MROH2A: variants seen among roughly 807,000 people sequenced by gnomAD.
MROH2A encodes maestro heat like repeat family member 2A, also known as maestro heat-like repeat-containing protein family member 2A.
A neutral mutation model predicts 200.4 loss-of-function variants in MROH2A; 174 were observed. That is an observed-to-expected ratio of 0.87 (90% CI 0.77 to 0.98). The LOEUF is 0.98. Among genes scored for constraint, MROH2A ranks in the 50% least tolerant of loss-of-function variants. The probability of loss-of-function intolerance (pLI) is 0.00; values close to 1 mark genes in which losing one functional copy is unlikely to be tolerated. For synonymous variants in MROH2A, 829 were observed against 840.4 expected (o/e 0.99, Z 0.23); for missense variants, 2,045 against 2,139.6 (o/e 0.96, Z 0.87).
intron 33 of MROH2A, 55 bp downstream of exon 33, chr2:233,822,611 G>T: frequency 6.6e-7 from 1 of 1,512,002 alleles, no homozygotes; most frequent in Non-Finnish European, 8.9e-7. Flanking sequence ...CTGTAGCCAC[G>T]GGCTGCCCCT....
rs1237589429 is a variant in MROH2A at position 233,828,384 on chromosome 2, G to A, written c.4114-246G>A. 2.6e-5 allele frequency among the ~76,000 whole-genome samples: 4 copies of A among 152,084 alleles called. No individual in the cohort carries two copies. The highest frequency in any genetic ancestry group is 3.2e-3 in the Middle Eastern group (1 of 316). On this transcript the variant is annotated intron_variant, in intron 35 of 41. Transcript: ENST00000389758. The surrounding 1 kb of genome is among the most constrained non-coding windows in gnomAD (Gnocchi z 4.6). ...TATGTTACCTGAAAAAATAAATGAC[G>A]AATTTATATATATACGTAACACTTA...
At chr2:233,831,594 G>A in intron 39 of MROH2A, 54 bp downstream of exon 39, 1 of 1,522,772 alleles carries the variant, frequency 6.6e-7, no homozygotes, top group Non-Finnish European at 8.8e-7. Flanking sequence ...ACGCTGGCTT[G>A]GAGCTGGGGG....
Position 233,789,973 on chromosome 2 carries a change from A to T in MROH2A, c.530A>T (p.Glu177Val). Residue 177 changes from glutamate (E) to valine (V), a missense_variant, in exon 5 of 42, where the codon GAA becomes GTA. By Grantham distance (121) the Glu-to-Val change is moderately radical. This residue lies in a region of MROH2A where 831 missense variants were observed against 800.0 expected (regional missense o/e 1.04). Coordinates refer to ENST00000389758, the MANE Select transcript of MROH2A (RefSeq NM_001394639.1). ...CTCAAGCCCCTCAACCTCACTGATGAATTTGTCATCATCACACTGGCCAAG... is the reference window on the plus strand; with the variant it reads ...CTCAAGCCCCTCAACCTCACTGATGTATTTGTCATCATCACACTGGCCAAG... ...HHLKPLNLTDEFVIITLAKLA... is the reference protein window; with the variant it reads ...HHLKPLNLTDVFVIITLAKLA... 2 of 1,550,382 alleles carry T rather than the reference A, an allele frequency of 1.3e-6. No individual in the cohort carries two copies. Among genetic ancestry groups the T allele is most frequent in the Non-Finnish European group, 1.7e-6 (2 of 1,146,880 alleles).
chr2:233,802,511 T>C, intron 15 of MROH2A, 196 bp downstream of exon 15: 1 of 623,072 alleles, frequency 1.6e-6, no homozygotes, highest in Non-Finnish European at 2.7e-6. Flanking sequence ...GTTAGAATTG[T>C]GTAAACTTCC....
Position 233,833,239 on chromosome 2 carries a change from TCAC to T in MROH2A, c.5007_5009del (p.Pro1670del), listed in dbSNP as rs1704909075. The T allele has an allele frequency of 6.5e-7, 1 of 1,549,818 alleles. No homozygotes were observed. The highest frequency in any genetic ancestry group is 8.7e-7 in the Non-Finnish European group (1 of 1,146,768). Reference sequence around the variant, plus strand: ...CTGTAGTCAGCATGGGTTTCTGGCTTCACCCCAAGGAATGTCCTAGGTGGTCCA... The same window carrying T: ...CTGTAGTCAGCATGGGTTTCTGGCTTCCCAAGGAATGTCCTAGGTGGTCCA... On this transcript the variant is annotated inframe_deletion, in exon 42 of 42. Coordinates refer to ENST00000389758, the MANE Select transcript of MROH2A (RefSeq NM_001394639.1).
intron 5 of MROH2A, among the ~76,000 whole-genome samples, chr2:233,791,855 G>C (rs1204060515): frequency 6.6e-6 from 1 of 152,104 alleles, no homozygotes. Context: ...AGTGGGAGGG[G>C]AGGAAGGGAA....
intron 3 of MROH2A, among the ~76,000 whole-genome samples, chr2:233,787,700 C>A (rs1471424792): frequency 1.3e-4 from 3 of 23,158 alleles, no homozygotes; most frequent in Non-Finnish European, 2.3e-4. Flanking sequence ...TTATATATAT[C>A]ATATAAACAT....
At chr2:233,785,300 T>G (rs1701149025) in intron 3 of MROH2A, among the ~76,000 whole-genome samples, 2 of 151,686 alleles carry the variant, frequency 1.3e-5, no homozygotes, top group South Asian at 4.2e-4. Flanking sequence ...AGACCACATC[T>G]CTAAAAAAAT....
In MROH2A at chr2:233,819,587, T is replaced by A. The variant is rs560563428; in HGVS notation, c.3357+118T>A. 1.1e-4 allele frequency: 122 copies of A among 1,121,036 alleles called. No homozygotes were observed. In the African/African-American group the frequency reaches 1.7e-3, roughly 16 times the overall value. The allele number at this position is 1,121,036 out of a possible 1,614,324, so 69.4% of individuals were successfully genotyped here. A position where few individuals can be genotyped will look rare whatever the true frequency, so the allele number is the denominator to read the frequency against. On this transcript the variant is annotated intron_variant, in intron 30 of 41. Coordinates refer to ENST00000389758, the MANE Select transcript of MROH2A (RefSeq NM_001394639.1). Reference sequence around the variant, plus strand: ...CGCTGAGAATGCCTCCCCCAACCCCTGGCTGCTAAAGAGGAGGAGGAAACA... The same window carrying A: ...CGCTGAGAATGCCTCCCCCAACCCCAGGCTGCTAAAGAGGAGGAGGAAACA...
Position 233,800,293 on chromosome 2 carries a change from C to G in MROH2A, c.1538C>G (p.Ser513Cys). The change falls in exon 14 of 42, where the codon TCT becomes TGT. Residue 513 changes from serine to cysteine, a missense_variant. Transcript: ENST00000389758. ...ATGGACACTGTGAAGATCATTACCT[C>G]TTCTGTCAGTGGGATGACCACCGTG... ...VTMDTVKIITSSVSGMTTEFW... is the reference protein window; with the variant it reads ...VTMDTVKIITCSVSGMTTEFW... 1 of 1,549,246 alleles carries G rather than the reference C, an allele frequency of 6.5e-7. No individual in the cohort carries two copies. The highest frequency in any genetic ancestry group is 8.7e-7 in the Non-Finnish European group (1 of 1,146,252).
At chr2:233,822,075 AG>A in intron 31 of MROH2A, 48 bp from the exon 32 acceptor site, 1 of 1,518,654 alleles carries the variant, frequency 6.6e-7, no homozygotes, top group Non-Finnish European at 8.9e-7. Context: ...CTTACCTGCC[AG>A]GGCACATGCC....
intron 22 of MROH2A, among the ~76,000 whole-genome samples, chr2:233,809,576 C>G (rs1575972848): frequency 1.3e-5 from 2 of 152,292 alleles, no homozygotes; most frequent in Middle Eastern, 3.4e-3. Flanking sequence ...CTGCCCTTGC[C>G]TCTGGCCCTC....
chr2:233,796,311 A>G lies in MROH2A; in HGVS notation c.1250A>G (p.Asp417Gly), dbSNP rs1474250619. ...CTGATTAGGGCTATAGTGAGCGCAG[A>G]TGGTGAGCAAGGCAGGGTGGGTGGG... is the stretch of plus-strand genomic sequence containing the variant. ...LNLIRAIVSA[D>G]EPRMSIRAIY... Residue 417 changes from aspartate (D) to glycine (G), a missense_variant and splice_region_variant, in exon 11 of 42, where the codon GAT becomes GGT. By Grantham distance (94) the Asp-to-Gly change is moderately conservative (BLOSUM62 -1). Around this residue, in one of 3 missense-constraint regions of MROH2A, gnomAD observed 831 missense variants for 800.0 expected, o/e 1.04. Transcript: ENST00000389758. The G allele has an allele frequency of 1.6e-6, 1 of 628,546 alleles. No homozygotes were observed. Among genetic ancestry groups the G allele is most frequent in the Admixed American group, 4.1e-5 (1 of 24,278 alleles). 38.9% of individuals were successfully genotyped at this position (628,546 alleles called of 1,614,324 possible).
At position 233,829,020 on chromosome 2, in the gene MROH2A, T is replaced by TG; in HGVS notation, c.4398dup (p.Ser1467ValfsTer8). On this transcript the variant is annotated frameshift_variant, in exon 37 of 42. Transcript: ENST00000389758. LOFTEE classifies it high-confidence loss of function. Reference sequence around the variant, plus strand: ...CTGGCTGAGCTCCGGGAAGGGGATGTGGGGTCCTCTTTCGACGCCATGTCT... The same window carrying TG: ...CTGGCTGAGCTCCGGGAAGGGGATGTGGGGGTCCTCTTTCGACGCCATGTCT... 6.5e-7 allele frequency: 1 copy of TG among 1,549,878 alleles called. No homozygotes were observed. Among genetic ancestry groups the TG allele is most frequent in the Non-Finnish European group, 8.7e-7 (1 of 1,146,666 alleles).
intron 17 of MROH2A, 146 bp from the exon 18 acceptor site, chr2:233,804,349 G>A (rs532766267): frequency 1.2e-5 from 16 of 1,318,774 alleles, no homozygotes; most frequent in African/African-American, 1.2e-4. Context: ...AGCTTGGGAA[G>A]GTGAGGAGTG....
At position 233,818,116 on chromosome 2, in the gene MROH2A, G is replaced by T; in HGVS notation, c.3076G>T (p.Asp1026Tyr). 1 of 1,550,678 alleles carries T rather than the reference G, an allele frequency of 6.4e-7. No individual in the cohort carries two copies. The highest frequency in any genetic ancestry group is 8.7e-7 in the Non-Finnish European group (1 of 1,147,016). The change falls in exon 28 of 42, where the codon GAT becomes TAT. Residue 1026 changes from aspartate (D) to tyrosine (Y), a missense_variant. Physicochemically the swap from Asp to Tyr is radical, Grantham distance 160. Around this residue, in one of 3 missense-constraint regions of MROH2A, gnomAD observed 1,201 missense variants for 1,311.3 expected, o/e 0.92. Transcript: ENST00000389758. ...ASMNVLSSLL[D>Y]LHASQTCSLW... is the part of the protein sequence containing the mutation. ...AATGAATGTCCTGTCCAGCCTGCTAGATCTTCACGGTATGAGAGGGCAGGA... is the reference window on the plus strand; with the variant it reads ...AATGAATGTCCTGTCCAGCCTGCTATATCTTCACGGTATGAGAGGGCAGGA...
At position 233,828,981 on chromosome 2, in the gene MROH2A, C is replaced by T. The variant is rs901409298; in HGVS notation, c.4355C>T (p.Ala1452Val). ...SNSVTAEGMEALTKILAELRE... is the reference protein window; with the variant it reads ...SNSVTAEGMEVLTKILAELRE... ...AGCGTGACTGCCGAGGGCATGGAGG[C>T]CCTGACCAAGATCCTGGCTGAGCTC... The change falls in exon 37 of 42, where the codon GCC becomes GTC. Residue 1452 changes from alanine (A) to valine (V), a missense_variant. Physicochemically the swap from Ala to Val is moderately conservative, Grantham distance 64. Transcript: ENST00000389758. The surrounding 1 kb of genome is among the most constrained non-coding windows in gnomAD (Gnocchi z 4.6). 5.8e-6 allele frequency: 9 copies of T among 1,550,382 alleles called. No individual in the cohort carries two copies. The Admixed American group carries it at 7.8e-5, about 14-fold the overall frequency.
intron 3 of MROH2A, among the ~76,000 whole-genome samples, chr2:233,786,734 C>T (rs968436865): frequency 2.6e-5 from 4 of 152,128 alleles, no homozygotes; most frequent in Non-Finnish European, 5.9e-5. Flanking sequence ...AATAAGAAAC[C>T]ATGATTAACA....
In MROH2A at chr2:233,818,669, T is replaced by C. The variant is rs1703721727; in HGVS notation, c.3103T>C (p.Leu1035=). The part of the protein sequence containing the change: ...LDLHASQTCS[L]WGPSKQKELE... The stretch of plus-strand genomic sequence containing the variant: ...CCCGACAGCAAGCCAGACCTGCTCC[T>C]TGTGGGGCCCTTCCAAGCAGAAGGA... Residue 1035 remains leucine, a synonymous_variant, in exon 29 of 42, where the codon TTG becomes CTG. Coordinates refer to ENST00000389758, the MANE Select transcript of MROH2A (RefSeq NM_001394639.1). The C allele has an allele frequency of 1.3e-6, 2 of 1,549,124 alleles. No homozygotes were observed. Among genetic ancestry groups the C allele is most frequent in the East Asian group, 4.9e-5 (2 of 40,860 alleles).
Sources: allele counts gnomAD v4.1 joint callset (sites outside exome capture counted in the v4.1 genomes callset), GRCh38; gene constraint gnomAD v4.1.1; regional missense constraint gnomAD v4.1.1; non-coding constraint Gnocchi (gnomAD v3.1); transcripts MANE v1.5; gene names NCBI Gene and HGNC (gene_info 2026-07-23, HGNC 2026-07-21).